The following SORCS2 variants were observed in gnomAD, a reference collection of about 807,000 sequenced individuals.
The protein encoded by SORCS2 is sortilin related VPS10 domain containing receptor 2.
Under a neutral mutation model 141.6 loss-of-function variants are expected in SORCS2, and 100 were observed. That is an observed-to-expected ratio of 0.71 (90% CI 0.60 to 0.83). SORCS2 has a LOEUF of 0.83. Ranked by LOEUF, SORCS2 falls within the 40% of genes least tolerant of loss-of-function variation. The probability of loss-of-function intolerance (pLI) is 0.00; values close to 1 mark genes in which losing one functional copy is unlikely to be tolerated. For missense variants in SORCS2, 1,646 were observed against 1,560.2 expected (o/e 1.05, Z -0.93); for synonymous variants, 789 against 676.9 (o/e 1.17, Z -2.57).
chr4:7,462,893 CAAAT>C (rs925480425), intron 2 of SORCS2, among the ~76,000 whole-genome samples: 10 of 150,932 alleles, frequency 6.6e-5, no homozygotes, highest in African/African-American at 9.7e-5. Context: ...TTCCAAAAAA[CAAAT>C]AAAGAAATGA....
chr4:7,341,558 AG>A (rs1240929709), intron 1 of SORCS2, among the ~76,000 whole-genome samples: 4 of 152,188 alleles, frequency 2.6e-5, no homozygotes, highest in Non-Finnish European at 5.9e-5. Flanking sequence ...TGGATGAACA[AG>A]GGACCAGGAA....
chr4:7,426,631 C>G (rs1726461519), intron 2 of SORCS2, among the ~76,000 whole-genome samples: 1 of 152,094 alleles, frequency 6.6e-6, no homozygotes, highest in South Asian at 2.1e-4. Flanking sequence ...TACTGGGTGT[C>G]TTGTGTGTGC....
At chr4:7,384,869 G>C (rs1199843195) in intron 1 of SORCS2, among the ~76,000 whole-genome samples, 1 of 152,272 alleles carries the variant, frequency 6.6e-6, no homozygotes, top group African/African-American at 2.4e-5. Flanking sequence ...CCTGAGGGCA[G>C]GGGGCGCGGA....
chr4:7,554,965 G>A (rs1020526119), intron 3 of SORCS2, among the ~76,000 whole-genome samples: 1 of 152,190 alleles, frequency 6.6e-6, no homozygotes. Context: ...AGGTGCAAGT[G>A]CATCAAAGTC....
intron 1 of SORCS2, among the ~76,000 whole-genome samples, chr4:7,259,836 T>C (rs902787874): frequency 2.0e-5 from 3 of 152,230 alleles, no homozygotes; most frequent in African/African-American, 4.8e-5. Flanking sequence ...CCTGCACTGC[T>C]GTGGATGAGG....
At chr4:7,699,738 G>A (rs1034636027) in intron 12 of SORCS2, among the ~76,000 whole-genome samples, 3 of 152,158 alleles carry the variant, frequency 2.0e-5, no homozygotes, top group Admixed American at 6.5e-5. Flanking sequence ...AGGACCCAGC[G>A]TGGTCTCCGC....
At chr4:7,227,515 G>GT in intron 1 of SORCS2, among the ~76,000 whole-genome samples, 1 of 152,316 alleles carries the variant, frequency 6.6e-6, no homozygotes, top group Non-Finnish European at 1.5e-5. Context: ...CTGGGGCCTT[G>GT]TGGGTGAGGT....
chr4:7,327,984 T>G (rs1719387909), intron 1 of SORCS2, among the ~76,000 whole-genome samples: 1 of 151,098 alleles, frequency 6.6e-6, no homozygotes. Context: ...CATCAGAGTT[T>G]GAGGACCTAC....
intron 2 of SORCS2, among the ~76,000 whole-genome samples, chr4:7,515,967 G>A (rs922720482): frequency 1.8e-4 from 27 of 152,222 alleles, no homozygotes; most frequent in Admixed American, 3.3e-4. Flanking sequence ...AGGCCCAGAA[G>A]TCTCAAGGGT....
rs114644183 is a variant in SORCS2, at chr4:7,234,676, C to T, written c.480+41550C>T. ...CTCTAGGATCTGTCTCCTTGGCCAG[C>T]TCCCAGCAGCTCACGTAGGCTTCTG... On this transcript the variant is annotated intron_variant, in intron 1 of 26. Coordinates refer to ENST00000507866, the MANE Select transcript of SORCS2 (RefSeq NM_020777.3). Among the ~76,000 whole-genome samples the T allele has an allele frequency of 3.4e-3, 511 of 152,344 alleles. 3 individuals are homozygous for T. Among genetic ancestry groups the T allele is most frequent in the African/African-American group, 0.011 (476 of 41,580 alleles).
At chr4:7,683,109 CAG>C (rs1012277721) in intron 10 of SORCS2, among the ~76,000 whole-genome samples, 1 of 152,220 alleles carries the variant, frequency 6.6e-6, no homozygotes, top group Non-Finnish European at 1.5e-5. Flanking sequence ...GTTTTTGACA[CAG>C]AATTGCTGTG....
intron 2 of SORCS2, among the ~76,000 whole-genome samples, chr4:7,500,244 G>A (rs1263331525): frequency 6.6e-6 from 1 of 152,160 alleles, no homozygotes; most frequent in Non-Finnish European, 1.5e-5. Flanking sequence ...CCCCGGGAGT[G>A]TGGGAGGTCA....
intron 1 of SORCS2, among the ~76,000 whole-genome samples, chr4:7,208,748 C>T (rs1727889495): frequency 6.6e-6 from 1 of 152,216 alleles, no homozygotes; most frequent in African/African-American, 2.4e-5. Flanking sequence ...TCACCAGGCA[C>T]CCCTCTCTCT....
chr4:7,500,561 C>T (rs4485820), intron 2 of SORCS2, among the ~76,000 whole-genome samples: 40,195 of 129,600 alleles, frequency 0.31, 6,165 homozygotes, highest in South Asian at 0.44. Flanking sequence ...GTCAGTGTGC[C>T]GGCTGGAGAA....
At chr4:7,328,310 A>C (rs952881600) in intron 1 of SORCS2, among the ~76,000 whole-genome samples, 1 of 151,100 alleles carries the variant, frequency 6.6e-6, no homozygotes, top group Non-Finnish European at 1.5e-5. Flanking sequence ...TGCTGGGTTT[A>C]CAGGCATGAG....
intron 1 of SORCS2, among the ~76,000 whole-genome samples, chr4:7,238,586 T>G (rs1712460208): frequency 6.6e-6 from 1 of 152,078 alleles, no homozygotes; most frequent in South Asian, 2.1e-4. Flanking sequence ...TGTGTGTGCC[T>G]GTGTGTGTGT....
At chr4:7,566,611 C>T (rs555117834) in intron 3 of SORCS2, among the ~76,000 whole-genome samples, 5 of 152,272 alleles carry the variant, frequency 3.3e-5, no homozygotes, top group South Asian at 2.1e-4. Context: ...CACAAGATCA[C>T]TTCTCACTCA....
intron 2 of SORCS2, among the ~76,000 whole-genome samples, chr4:7,438,749 T>C (rs1727464507): frequency 6.6e-6 from 1 of 152,148 alleles, no homozygotes; most frequent in Non-Finnish European, 1.5e-5. Context: ...TAATAGACTA[T>C]AATCCAACAC....
chr4:7,361,715 C>G (rs975897702), intron 1 of SORCS2, among the ~76,000 whole-genome samples: 6 of 152,118 alleles, frequency 3.9e-5, no homozygotes, highest in African/African-American at 1.4e-4. Flanking sequence ...GGGGACCCCA[C>G]TGCAGGCAGC....
Sources: gnomAD v4.1 joint callset for allele counts (sites outside exome capture counted in the v4.1 genomes callset) on GRCh38, gnomAD v4.1.1 for gene constraint, MANE v1.5 for transcripts, NCBI Gene and HGNC (gene_info 2026-07-23, HGNC 2026-07-21) for gene names.